The following TMTC2 variants were observed in gnomAD, a reference collection of about 807,000 sequenced individuals.
TMTC2 encodes the protein transmembrane O-mannosyltransferase targeting cadherins 2, also known as protein O-mannosyl-transferase TMTC2.
TMTC2 carries 43 observed loss-of-function variants against 82.4 expected under a neutral mutation model. The ratio of observed to expected loss-of-function variants is 0.52; its 90% CI spans 0.41 to 0.67. The LOEUF is 0.67. Among genes scored for constraint, TMTC2 ranks in the 30% least tolerant of loss-of-function variants. TMTC2 has a pLI of 0.00. For synonymous variants in TMTC2, 408 were observed against 381.9 expected, an observed-to-expected ratio of 1.07 and a Z score of -0.80; for missense variants, 919 against 1,012.4, an observed-to-expected ratio of 0.91 and a Z score of 1.25.
At chr12:82,863,398 A>G (rs886591136) in intron 2 of TMTC2, among the ~76,000 whole-genome samples, 3 of 152,164 alleles carry the variant, frequency 2.0e-5, no homozygotes, top group African/African-American at 4.8e-5. Flanking sequence ...GGCCCTTACG[A>G]ATGAATTTGG....
chr12:82,745,244 A>G (rs964758105), intron 1 of TMTC2, among the ~76,000 whole-genome samples: 1 of 152,106 alleles, frequency 6.6e-6, no homozygotes, highest in Non-Finnish European at 1.5e-5. Context: ...TCACATGATG[A>G]TTACATTGTA....
At chr12:83,107,905 G>A (rs1037973849) in intron 11 of TMTC2, among the ~76,000 whole-genome samples, 1 of 152,096 alleles carries the variant, frequency 6.6e-6, no homozygotes, top group Admixed American at 6.6e-5. Context: ...GTTAGAGGAG[G>A]GGCCCGGTGG....
intron 2 of TMTC2, among the ~76,000 whole-genome samples, chr12:82,860,021 T>C (rs1180708101): frequency 6.6e-6 from 1 of 152,206 alleles, no homozygotes; most frequent in Non-Finnish European, 1.5e-5. Context: ...TCGCCTAGGC[T>C]GGAGTGCAGT....
rs187080002 is a variant in TMTC2, at chr12:83,112,014, G to A, written c.2332-20196G>A. Among the ~76,000 whole-genome samples, 5 of 152,050 alleles carry A rather than the reference G, an allele frequency of 3.3e-5. No individual in the cohort carries two copies. The East Asian group carries it at 9.7e-4, about 29-fold the overall frequency. The stretch of plus-strand genomic sequence containing the variant: ...CCAGCTACTCAGGATGCTGAGGGAG[G>A]AGGATTGCTTGAGCCTGGGAGGAGG... On this transcript the variant is annotated intron_variant, in intron 11 of 11. Coordinates refer to ENST00000321196, the MANE Select transcript of TMTC2 (RefSeq NM_152588.3).
intron 1 of TMTC2, among the ~76,000 whole-genome samples, chr12:82,813,799 T>C (rs925608200): frequency 6.6e-6 from 1 of 152,096 alleles, no homozygotes; most frequent in African/African-American, 2.4e-5. Context: ...TGGTCATTCA[T>C]TTATGGTTAA....
chr12:82,856,847 A>G lies in TMTC2; in HGVS notation c.84-163A>G, dbSNP rs186288576. On this transcript the variant is annotated intron_variant, in intron 1 of 11. Transcript: ENST00000321196. ...AACAACCCTCATTGTGGTTTTAGTAAGCATTAAGGGGAGGACATGAATTCA... is the reference window on the plus strand; with the variant it reads ...AACAACCCTCATTGTGGTTTTAGTAGGCATTAAGGGGAGGACATGAATTCA... 2.6e-3 allele frequency among the ~76,000 whole-genome samples: 399 copies of G among 152,286 alleles called. 2 individuals are homozygous for G. Among genetic ancestry groups the G allele is most frequent in the Non-Finnish European group, 4.3e-3 (294 of 68,022 alleles).
chr12:83,005,702 G>C (rs1264236219), intron 8 of TMTC2, among the ~76,000 whole-genome samples: 1 of 152,196 alleles, frequency 6.6e-6, no homozygotes, highest in African/African-American at 2.4e-5. Flanking sequence ...TGGAGGCAGG[G>C]GGTTTTGGCG....
At chr12:82,714,739 A>G (rs565025708) in intron 1 of TMTC2, among the ~76,000 whole-genome samples, 2 of 152,164 alleles carry the variant, frequency 1.3e-5, no homozygotes. Context: ...ATGTTGTCAC[A>G]TAGCTCACAT....
In TMTC2 at chr12:82,902,256, G is replaced by A. The variant is rs187913488; in HGVS notation, c.1483+5610G>A. Among the ~76,000 whole-genome samples, 12 of 152,284 alleles carry A rather than the reference G, an allele frequency of 7.9e-5. No individual in the cohort carries two copies. The South Asian group carries it at 2.3e-3, about 29-fold the overall frequency. Reference sequence around the variant, plus strand: ...AAGGAAAACCCCCAAAAGTTTGGGAGTCCCCTAAGACTGCCACCCTCAGGA... The same window carrying A: ...AAGGAAAACCCCCAAAAGTTTGGGAATCCCCTAAGACTGCCACCCTCAGGA... On this transcript the variant is annotated intron_variant, in intron 3 of 11. Coordinates refer to ENST00000321196, the MANE Select transcript of TMTC2 (RefSeq NM_152588.3).
chr12:83,107,746 C>T (rs1000146536), intron 11 of TMTC2, among the ~76,000 whole-genome samples: 14 of 130,254 alleles, frequency 1.1e-4, no homozygotes, highest in Admixed American at 3.3e-4. Flanking sequence ...TACCTATGCA[C>T]GTCTTTTTCT....
chr12:82,979,104 A>G lies in TMTC2; in HGVS notation c.1949-6821A>G, dbSNP rs150268029. Among the ~76,000 whole-genome samples, 332 of 151,766 alleles carry G rather than the reference A, an allele frequency of 2.2e-3. 2 individuals carry two copies. The highest frequency in any genetic ancestry group is 7.7e-3 in the African/African-American group (321 of 41,516). ...AGGTAAAGTGTGTTTCTTGTATGCA[A>G]CAGATTGTTAGGTCTTTTTTTTCTT... On this transcript the variant is annotated intron_variant, in intron 7 of 11. Coordinates refer to ENST00000321196, the MANE Select transcript of TMTC2 (RefSeq NM_152588.3).
chr12:83,011,226 C>T (rs1006211130), intron 8 of TMTC2, among the ~76,000 whole-genome samples: 15 of 152,110 alleles, frequency 9.9e-5, no homozygotes, highest in African/African-American at 1.2e-4. Context: ...ATTAGGACTC[C>T]ATCATTTTAG....
intron 8 of TMTC2, among the ~76,000 whole-genome samples, chr12:82,994,629 T>G: frequency 8.1e-6 from 1 of 123,944 alleles, no homozygotes; most frequent in African/African-American, 2.8e-5. Flanking sequence ...CTTACAGAAC[T>G]AAAAAAAAAA....
At chr12:83,086,829 A>G (rs1219828955) in intron 11 of TMTC2, among the ~76,000 whole-genome samples, 1 of 152,222 alleles carries the variant, frequency 6.6e-6, no homozygotes, top group Non-Finnish European at 1.5e-5. Flanking sequence ...TTCAGATAGT[A>G]GTAATCTTTT....
intron 1 of TMTC2, among the ~76,000 whole-genome samples, chr12:82,693,441 C>A (rs761888937): frequency 1.1e-4 from 16 of 152,100 alleles, no homozygotes; most frequent in Middle Eastern, 3.2e-3. Context: ...CCTACTTGTT[C>A]AGGACAGTCG....
At chr12:83,096,841 T>C (rs1340758570) in intron 11 of TMTC2, among the ~76,000 whole-genome samples, 1 of 152,234 alleles carries the variant, frequency 6.6e-6, no homozygotes, top group African/African-American at 2.4e-5. Context: ...CACCTATTAG[T>C]TTCTACTCAT....
At chr12:83,091,323 G>GT (rs1208157204) in intron 11 of TMTC2, among the ~76,000 whole-genome samples, 2 of 152,036 alleles carry the variant, frequency 1.3e-5, no homozygotes, top group Non-Finnish European at 2.9e-5. Flanking sequence ...TCATTTATTT[G>GT]TTTTTTCCCC....
At chr12:82,952,547 A>G (rs1379691301) in intron 4 of TMTC2, among the ~76,000 whole-genome samples, 1 of 151,972 alleles carries the variant, frequency 6.6e-6, no homozygotes, top group African/African-American at 2.4e-5. Context: ...ACATATGTAT[A>G]TATGGTTTGT....
chr12:82,728,712 C>T (rs1480962582), intron 1 of TMTC2, among the ~76,000 whole-genome samples: 3 of 152,260 alleles, frequency 2.0e-5, no homozygotes, highest in Admixed American at 1.3e-4. Context: ...CTATGGGAGC[C>T]CCTTTCTGGG....
Sources: gnomAD v4.1 joint callset for allele counts (sites outside exome capture counted in the v4.1 genomes callset) on GRCh38, gnomAD v4.1.1 for gene constraint, MANE v1.5 for transcripts, NCBI Gene and HGNC (gene_info 2026-07-23, HGNC 2026-07-21) for gene names.